HERC5: variants seen among roughly 807,000 people sequenced by gnomAD.
HERC5 encodes HECT and RLD domain containing E3 ubiquitin protein ligase 5, also known as E3 ISG15--protein ligase HERC5.
Under a neutral mutation model 119.6 loss-of-function variants are expected in HERC5, and 99 were observed. That is an observed-to-expected ratio of 0.83 (90% CI 0.70 to 0.98). HERC5 has a LOEUF of 0.98. HERC5 is among the 50% of genes least tolerant of loss of function. HERC5 has a pLI of 0.00. For missense variants in HERC5, 1,267 were observed against 1,241.3 expected (o/e 1.02, Z -0.31); for synonymous variants, 478 against 445.9 (o/e 1.07, Z -0.91).
chr4:88,505,700 A>G lies in HERC5; in HGVS notation c.2897A>G (p.Gln966Arg). The change falls in exon 23 of 23, where the codon CAA (glutamine) becomes CGA (arginine). Residue 966 changes from glutamine to arginine, a missense_variant. This residue lies in a region of HERC5 where 473 missense variants were observed against 445.7 expected (regional missense o/e 1.06). Transcript: ENST00000264350. ...TTTCTTACAGGAACTGACAGACTAC[A>G]AATGAAAGATTTAAATAATATGAAA... Reference protein sequence around the residue: ...LVFLTGTDRLQMKDLNNMKIT... With the variant: ...LVFLTGTDRLRMKDLNNMKIT... 1 of 1,587,584 alleles carries G rather than the reference A, an allele frequency of 6.3e-7. No individual in the cohort carries two copies. The highest frequency in any genetic ancestry group is 8.6e-7 in the Non-Finnish European group (1 of 1,157,716).
At chr4:88,483,515 T>A (rs1741353133) in intron 13 of HERC5, among the ~76,000 whole-genome samples, 1 of 147,870 alleles carries the variant, frequency 6.8e-6, no homozygotes, top group Non-Finnish European at 1.5e-5. Context: ...ACCGGCTCTA[T>A]AGGCTTTTTT....
chr4:88,467,657 C>T (rs942842880), intron 7 of HERC5, among the ~76,000 whole-genome samples: 1 of 152,216 alleles, frequency 6.6e-6, no homozygotes, highest in Non-Finnish European at 1.5e-5. Flanking sequence ...ATCCTTGTAA[C>T]AGTTCCTGGG....
At chr4:88,496,756 A>ATT (rs1741806725) in intron 18 of HERC5, among the ~76,000 whole-genome samples, 1 of 152,238 alleles carries the variant, frequency 6.6e-6, no homozygotes, top group Non-Finnish European at 1.5e-5. Flanking sequence ...AACAGTAAAG[A>ATT]AAAGATTTAA....
intron 12 of HERC5, among the ~76,000 whole-genome samples, chr4:88,476,523 G>A (rs1484704926): frequency 6.6e-6 from 1 of 152,170 alleles, no homozygotes; most frequent in Non-Finnish European, 1.5e-5. Context: ...GTTGTCATTT[G>A]TGCTTTCTGT....
At chr4:88,478,915 C>T (rs868566945) in intron 12 of HERC5, among the ~76,000 whole-genome samples, 10 of 151,716 alleles carry the variant, frequency 6.6e-5, no homozygotes, top group Admixed American at 1.3e-4. Context: ...CCTGGCCTAC[C>T]AAAAAAATGT....
At chr4:88,473,707 G>A (rs1740953637) in intron 11 of HERC5, 2 of 152,014 alleles carry the variant, frequency 1.3e-5, no homozygotes, top group African/African-American at 4.8e-5. Flanking sequence ...CTCCTGTGGG[G>A]GCCAGTTTAA....
chr4:88,475,117 C>CTTTTTTTTTTTTTTTTGTT (rs1741011702), intron 11 of HERC5, among the ~76,000 whole-genome samples: 1 of 109,954 alleles, frequency 9.1e-6, no homozygotes, highest in African/African-American at 3.3e-5. Flanking sequence ...CGGATTTTGT[C>CTTTTTTTTTTTTTTTTGTT]TTTTTTTTTT....
chr4:88,477,478 G>T (rs1225954326), intron 12 of HERC5, among the ~76,000 whole-genome samples: 1 of 104,754 alleles, frequency 9.5e-6, no homozygotes, highest in Middle Eastern at 4.9e-3. Context: ...GGAAAGGAAG[G>T]GGGAGGGGAA....
At chr4:88,493,790 T>A (rs1232734994) in intron 17 of HERC5, among the ~76,000 whole-genome samples, 1 of 151,844 alleles carries the variant, frequency 6.6e-6, no homozygotes, top group Non-Finnish European at 1.5e-5. Flanking sequence ...GTTTTTGTAT[T>A]TTTTGTAGAG....
intron 15 of HERC5, among the ~76,000 whole-genome samples, chr4:88,488,383 C>T (rs1421911682): frequency 2.0e-5 from 3 of 151,810 alleles, no homozygotes; most frequent in Admixed American, 6.6e-5. Context: ...AGGTGCCCGC[C>T]GCCACACCCA....
At chr4:88,492,989 T>C in intron 16 of HERC5, 23 bp from the exon 17 acceptor site, 2 of 1,611,912 alleles carry the variant, frequency 1.2e-6, no homozygotes, top group Non-Finnish European at 1.7e-6. Context: ...GGAAGTGATG[T>C]ATTATTTGCT....
At chr4:88,495,873 A>C (rs1253867177) in intron 18 of HERC5, among the ~76,000 whole-genome samples, 1 of 152,244 alleles carries the variant, frequency 6.6e-6, no homozygotes, top group Non-Finnish European at 1.5e-5. Flanking sequence ...GATAATTAAC[A>C]ATGTACATGA....
chr4:88,504,177 A>G, intron 20 of HERC5, 55 bp from the exon 21 acceptor site: 1 of 1,165,122 alleles, frequency 8.6e-7, no homozygotes. Flanking sequence ...TTAGCCCCTC[A>G]CCATTTTGTT....
intron 3 of HERC5, among the ~76,000 whole-genome samples, chr4:88,461,621 T>C (rs1740447128): frequency 6.6e-6 from 1 of 152,204 alleles, no homozygotes; most frequent in Non-Finnish European, 1.5e-5. Flanking sequence ...CCCTAAAAAA[T>C]GTGCTCCATA....
intron 18 of HERC5, among the ~76,000 whole-genome samples, chr4:88,496,394 C>G (rs1239529865): frequency 6.6e-6 from 1 of 152,128 alleles, no homozygotes; most frequent in African/African-American, 2.4e-5. Context: ...TGTCAGCTAT[C>G]AAGAATTATT....
At chr4:88,471,412 G>T (rs1398229106) in intron 10 of HERC5, among the ~76,000 whole-genome samples, 1 of 151,590 alleles carries the variant, frequency 6.6e-6, no homozygotes, top group Non-Finnish European at 1.5e-5. Flanking sequence ...TGGTTCTTGG[G>T]CTCAAGCATC....
At position 88,476,045 on chromosome 4, in the gene HERC5, T is replaced by C; in HGVS notation, c.1582+15T>C. 4 of 1,597,766 alleles carry C rather than the reference T, an allele frequency of 2.5e-6. No individual in the cohort carries two copies. The highest frequency in any genetic ancestry group is 3.4e-6 in the Non-Finnish European group (4 of 1,169,740). On this transcript the variant is annotated intron_variant, in intron 12 of 22. Transcript: ENST00000264350. ...ACTGGTTCTGGGTAAGTTTGATCAT[T>C]TGAAGATACTTTACCTGTCTTCTCA...
intron 9 of HERC5, 115 bp from the exon 10 acceptor site, chr4:88,470,499 G>A (rs1417562059): frequency 1.6e-6 from 1 of 630,724 alleles, no homozygotes; most frequent in East Asian, 3.1e-5. Context: ...AAATGGAGAG[G>A]TTGGAAGGAT....
Position 88,505,827 on chromosome 4 carries a change from A to G in HERC5, c.3024A>G (p.Thr1008=), listed in dbSNP as rs759566754. ...TCCCTAAATATTCTACAATGGAAAC[A>G]GTTGAAGAAGCGCTTCAAGAAGCCA... is the stretch of plus-strand genomic sequence containing the variant. ...LFLPKYSTME[T]VEEALQEAIN... Residue 1008 remains threonine (T), a synonymous_variant, in exon 23 of 23, where the codon ACA becomes ACG. Transcript: ENST00000264350. 1 of 1,613,720 alleles carries G rather than the reference A, an allele frequency of 6.2e-7. No homozygotes were observed. Among genetic ancestry groups the G allele is most frequent in the East Asian group, 2.2e-5 (1 of 44,874 alleles).
Sources: allele counts gnomAD v4.1 joint callset (sites outside exome capture counted in the v4.1 genomes callset), GRCh38; gene constraint gnomAD v4.1.1; regional missense constraint gnomAD v4.1.1; transcripts MANE v1.5; gene names NCBI Gene and HGNC (gene_info 2026-07-23, HGNC 2026-07-21).